Variants in EHBP1 observed in about 807,000 individuals in gnomAD.
The protein encoded by EHBP1 is EH domain binding protein 1.
Under a neutral mutation model 144.0 loss-of-function variants are expected in EHBP1, and 55 were observed. The ratio of observed to expected loss-of-function variants is 0.38; its 90% confidence interval spans 0.31 to 0.48. EHBP1 has a LOEUF of 0.48. EHBP1 is among the 20% of genes least tolerant of loss of function. The pLI is 0.98. For missense variants in EHBP1, 1,200 were observed against 1,364.2 expected, an observed-to-expected ratio of 0.88 and a Z score of 1.90; for synonymous variants, 469 against 472.7, an observed-to-expected ratio of 0.99 and a Z score of 0.10.
chr2:62,917,101 G>C (rs923731076), intron 10 of EHBP1, among the ~76,000 whole-genome samples: 1 of 152,088 alleles, frequency 6.6e-6, no homozygotes, highest in Non-Finnish European at 1.5e-5. Context: ...TACACGACTA[G>C]GTTATATGAT....
At chr2:62,752,396 C>T (rs980111782) in intron 3 of EHBP1, among the ~76,000 whole-genome samples, 3 of 152,138 alleles carry the variant, frequency 2.0e-5, no homozygotes, top group Non-Finnish European at 4.4e-5. Flanking sequence ...GCTTTACTTC[C>T]AACTGTGTGG....
chr2:62,802,277 G>C (rs1005655545), intron 5 of EHBP1, among the ~76,000 whole-genome samples: 1 of 152,226 alleles, frequency 6.6e-6, no homozygotes. Flanking sequence ...AGAAGTTTTT[G>C]AGAGTCATGT....
At chr2:62,735,451 C>T (rs1266867709) in intron 2 of EHBP1, among the ~76,000 whole-genome samples, 3 of 151,982 alleles carry the variant, frequency 2.0e-5, no homozygotes, top group Non-Finnish European at 4.4e-5. Context: ...ATTCATTTCA[C>T]TTATATATAA....
chr2:62,788,112 G>A (rs1003650850), intron 5 of EHBP1, among the ~76,000 whole-genome samples: 1 of 152,094 alleles, frequency 6.6e-6, no homozygotes, highest in African/African-American at 2.4e-5. Flanking sequence ...AAATTAAGTG[G>A]TTTAGAATTG....
chr2:62,895,386 G>T (rs1229823544), intron 10 of EHBP1, among the ~76,000 whole-genome samples: 2 of 152,052 alleles, frequency 1.3e-5, no homozygotes, highest in African/African-American at 4.8e-5. Context: ...CACTTCCAGA[G>T]GAGCTTGTCT....
At chr2:62,748,485 A>G (rs189345680) in intron 3 of EHBP1, among the ~76,000 whole-genome samples, 106 of 152,064 alleles carry the variant, frequency 7.0e-4, no homozygotes, top group Admixed American at 6.8e-3. Flanking sequence ...GAGACCCCAT[A>G]TCTACAAAAA....
intron 15 of EHBP1, among the ~76,000 whole-genome samples, chr2:62,984,285 A>G (rs890281284): frequency 6.6e-6 from 1 of 152,228 alleles, no homozygotes; most frequent in African/African-American, 2.4e-5. Flanking sequence ...AATAAAAAGT[A>G]TAAGACTGGC....
At chr2:62,874,854 C>T (rs766722023) in intron 10 of EHBP1, among the ~76,000 whole-genome samples, 16 of 152,110 alleles carry the variant, frequency 1.1e-4, no homozygotes, top group Admixed American at 3.3e-4. Flanking sequence ...AGACAGGCCC[C>T]TGCTGATGGA....
At chr2:63,044,144 A>G (rs1482717516) in intron 21 of EHBP1, 1 of 148,278 alleles carries the variant, frequency 6.7e-6, no homozygotes, top group Non-Finnish European at 1.5e-5. Flanking sequence ...TTTGGTTTCA[A>G]AAGTGTTTTA....
chr2:62,836,893 G>A (rs2047306977), intron 7 of EHBP1, among the ~76,000 whole-genome samples: 3 of 150,322 alleles, frequency 2.0e-5, no homozygotes, highest in Admixed American at 1.3e-4. Flanking sequence ...GGGGAGAATG[G>A]AACCAAGTTG....
intron 7 of EHBP1, among the ~76,000 whole-genome samples, chr2:62,845,444 A>G (rs1377471290): frequency 6.6e-6 from 1 of 152,202 alleles, no homozygotes; most frequent in African/African-American, 2.4e-5. Flanking sequence ...AGTAGAGGAG[A>G]TACCAATTAC....
At chr2:63,044,275 A>AAG (rs2061829871) in intron 21 of EHBP1, 1 of 150,260 alleles carries the variant, frequency 6.7e-6, no homozygotes, top group African/African-American at 2.4e-5. Flanking sequence ...AAAAAAAAAA[A>AAG]AAAACGCCCC....
chr2:62,708,525 T>G (rs1290325128), intron 2 of EHBP1, among the ~76,000 whole-genome samples: 1 of 152,236 alleles, frequency 6.6e-6, no homozygotes, highest in Non-Finnish European at 1.5e-5. Flanking sequence ...GATTCAAGTT[T>G]CCATATCCAT....
At chr2:63,032,566 CAAAAAAAA>C (rs35237077) in intron 19 of EHBP1, among the ~76,000 whole-genome samples, 60 of 28,286 alleles carry the variant, frequency 2.1e-3, no homozygotes, top group African/African-American at 8.3e-3. Flanking sequence ...GACTCTGTCT[CAAAAAAAA>C]AAAAAAAAAA....
At chr2:62,674,262 T>C (rs1396120139) in intron 1 of EHBP1, among the ~76,000 whole-genome samples, 1 of 152,214 alleles carries the variant, frequency 6.6e-6, no homozygotes, top group African/African-American at 2.4e-5. Flanking sequence ...GTATTTCATA[T>C]TCATAAATAA....
intron 13 of EHBP1, among the ~76,000 whole-genome samples, chr2:62,952,293 G>A (rs1187407039): frequency 6.6e-6 from 1 of 152,134 alleles, no homozygotes; most frequent in Non-Finnish European, 1.5e-5. Context: ...TATAGCAGCT[G>A]AATTTTGGAC....
chr2:62,887,030 G>T lies in EHBP1; in HGVS notation c.1185+12498G>T, dbSNP rs756679137. On this transcript the variant is annotated intron_variant, in intron 10 of 22. Coordinates refer to ENST00000431489, the MANE Select transcript of EHBP1 (RefSeq NM_001142616.3). Reference sequence around the variant, plus strand: ...ATTTCTGTCTTTAAAAATATTGAAGGTCCAGTGCTGATACAGTAGTCTCAC... The same window carrying T: ...ATTTCTGTCTTTAAAAATATTGAAGTTCCAGTGCTGATACAGTAGTCTCAC... Among the ~76,000 whole-genome samples, 11 of 152,064 alleles carry T rather than the reference G, an allele frequency of 7.2e-5. 1 individual carries two copies. The highest frequency in any genetic ancestry group is 2.7e-4 in the African/African-American group (11 of 41,392).
intron 14 of EHBP1, among the ~76,000 whole-genome samples, chr2:62,958,623 A>T (rs1268947052): frequency 6.6e-6 from 1 of 152,234 alleles, no homozygotes; most frequent in African/African-American, 2.4e-5. Flanking sequence ...CTGATTACAC[A>T]GGTATATACA....
intron 14 of EHBP1, among the ~76,000 whole-genome samples, chr2:62,966,852 A>T (rs1311636731): frequency 6.6e-6 from 1 of 152,194 alleles, no homozygotes; most frequent in African/African-American, 2.4e-5. Flanking sequence ...AAAGAAATTT[A>T]AAACATCACC....
Sources: gnomAD v4.1 joint callset for allele counts (sites outside exome capture counted in the v4.1 genomes callset) on GRCh38, gnomAD v4.1.1 for gene constraint, MANE v1.5 for transcripts, NCBI Gene and HGNC (gene_info 2026-07-23, HGNC 2026-07-21) for gene names.